The following SOX6 variants were observed in gnomAD, a reference collection of about 807,000 sequenced individuals.
The protein encoded by SOX6 is SRY-box transcription factor 6, also known as transcription factor SOX-6.
SOX6 carries 11 observed loss-of-function variants against 97.8 expected under a neutral mutation model. The ratio of observed to expected loss-of-function variants is 0.11; its 90% CI spans 0.07 to 0.19. The LOEUF (loss-of-function observed/expected upper bound fraction) is 0.19. Among genes scored for constraint, SOX6 ranks in the 10% least tolerant of loss-of-function variants. The pLI is 1.00. For missense variants in SOX6, 810 were observed against 1,039.5 expected (o/e 0.78, Z 3.04); for synonymous variants, 360 against 371.4 (o/e 0.97, Z 0.35).
At chr11:16,713,544 A>C (rs1478379213) in intron 3 of SOX6, among the ~76,000 whole-genome samples, 1 of 152,204 alleles carries the variant, frequency 6.6e-6, no homozygotes, top group African/African-American at 2.4e-5. Context: ...GTTCCTAAAA[A>C]TTTAAGTTTT....
intron 6 of SOX6, among the ~76,000 whole-genome samples, chr11:16,158,023 A>T (rs1850647299): frequency 6.6e-6 from 1 of 151,964 alleles, no homozygotes. Flanking sequence ...CATTTACTAG[A>T]CTGTGAGCTT....
Position 15,971,547 on chromosome 11 carries a change from G to T in SOX6, c.*1262C>A, listed in dbSNP as rs1590097695. 1 of 152,662 alleles carries T rather than the reference G, an allele frequency of 6.6e-6. No individual in the cohort carries two copies. 9.5% of individuals were successfully genotyped at this position (152,662 alleles called of 1,614,324 possible). On this transcript the variant is annotated 3_prime_UTR_variant, in exon 16 of 16. Transcript: ENST00000683767. ...GAATTAGGGGAAAATTCTGGCAAAA[G>T]ACTTGAGGTCACAGTGAACCTCAGG... is the stretch of plus-strand genomic sequence containing the variant.
intron 3 of SOX6, among the ~76,000 whole-genome samples, chr11:16,689,555 G>A (rs1289246828): frequency 6.6e-6 from 1 of 152,066 alleles, no homozygotes. Context: ...GTCCATCTTG[G>A]CTAAAAGCAA....
At chr11:16,661,564 T>C (rs1847766213) in intron 3 of SOX6, among the ~76,000 whole-genome samples, 1 of 152,186 alleles carries the variant, frequency 6.6e-6, no homozygotes, top group Admixed American at 6.5e-5. Context: ...CTTTTCTTTT[T>C]TGAGACAAGG....
intron 10 of SOX6, among the ~76,000 whole-genome samples, chr11:16,050,686 G>A (rs944100797): frequency 2.6e-5 from 4 of 152,068 alleles, no homozygotes; most frequent in African/African-American, 9.7e-5. Flanking sequence ...TCTTCACTGA[G>A]ACAGTATTCA....
chr11:16,141,138 T>G (rs1278147456), intron 6 of SOX6, among the ~76,000 whole-genome samples: 1 of 151,946 alleles, frequency 6.6e-6, no homozygotes, highest in East Asian at 1.9e-4. Flanking sequence ...CTCTTCATGC[T>G]CATGCTCAGT....
intron 6 of SOX6, among the ~76,000 whole-genome samples, chr11:16,171,210 A>T (rs963863620): frequency 3.3e-5 from 5 of 152,004 alleles, no homozygotes; most frequent in African/African-American, 1.2e-4. Flanking sequence ...AGAAGCTGGT[A>T]GCACAAGAAA....
intron 7 of SOX6, among the ~76,000 whole-genome samples, chr11:16,104,927 C>T (rs75186964): frequency 0.037 from 5,559 of 151,982 alleles, 129 homozygotes; most frequent in Middle Eastern, 0.15. Flanking sequence ...AAAGCTCTGG[C>T]CTAGATGGCT....
At chr11:16,071,553 A>C (rs1848225584) in intron 9 of SOX6, among the ~76,000 whole-genome samples, 1 of 152,004 alleles carries the variant, frequency 6.6e-6, no homozygotes, top group South Asian at 2.1e-4. Context: ...AAACACCCTG[A>C]TAGCAGGGCA....
At chr11:16,586,312 G>A (rs578191737) in intron 4 of SOX6, among the ~76,000 whole-genome samples, 1 of 152,184 alleles carries the variant, frequency 6.6e-6, no homozygotes, top group African/African-American at 2.4e-5. Flanking sequence ...GGTAATAAGA[G>A]GTGGGGAGAA....
chr11:16,167,125 C>T (rs1243931487), intron 6 of SOX6, among the ~76,000 whole-genome samples: 1 of 152,198 alleles, frequency 6.6e-6, no homozygotes, highest in Non-Finnish European at 1.5e-5. Flanking sequence ...TAGTTCAACA[C>T]TAAACTTTTG....
intron 4 of SOX6, among the ~76,000 whole-genome samples, chr11:16,493,202 C>T (rs79448555): frequency 4.6e-5 from 7 of 152,074 alleles, no homozygotes; most frequent in Non-Finnish European, 5.9e-5. Flanking sequence ...CTGTCAACAG[C>T]GGAATGGGCA....
intron 1 of SOX6, among the ~76,000 whole-genome samples, chr11:16,447,729 A>G (rs550031182): frequency 6.6e-6 from 1 of 152,276 alleles, no homozygotes; most frequent in Non-Finnish European, 1.5e-5. Context: ...CAAAACAGGG[A>G]AAAAAATTTG....
intron 1 of SOX6, among the ~76,000 whole-genome samples, chr11:16,425,420 T>G (rs896659127): frequency 1.3e-5 from 2 of 152,156 alleles, no homozygotes; most frequent in African/African-American, 4.8e-5. Context: ...CAAGGATGCC[T>G]TCTCTTACCA....
At chr11:16,592,888 T>A (rs1448176023) in intron 4 of SOX6, among the ~76,000 whole-genome samples, 1 of 151,968 alleles carries the variant, frequency 6.6e-6, no homozygotes, top group South Asian at 2.1e-4. Flanking sequence ...GCAAATAATA[T>A]ACCAAGGAAC....
chr11:15,973,061 A>T lies in SOX6; in HGVS notation c.2235T>A (p.Gly745=). 1 of 1,614,182 alleles carries T rather than the reference A, an allele frequency of 6.2e-7. No homozygotes were observed. The change falls in exon 16 of 16, where the codon GGT becomes GGA. Residue 745 remains glycine (G), a synonymous_variant. Coordinates refer to ENST00000683767, the MANE Select transcript of SOX6 (RefSeq NM_001367873.1). ...GTGTGGTAGTTGCCATAGTGATAGCACCAGGATACACAACACCTGTTCCTG... is the reference window on the plus strand; with the variant it reads ...GTGTGGTAGTTGCCATAGTGATAGCTCCAGGATACACAACACCTGTTCCTG... ...ITTGTGVVYP[G]AITMATTTPS... is the part of the protein sequence containing the mutation.
intron 12 of SOX6, among the ~76,000 whole-genome samples, chr11:16,034,971 C>G (rs1855479756): frequency 6.6e-6 from 1 of 152,100 alleles, no homozygotes. Context: ...ACAAACAGAC[C>G]TATGGAAAAA....
At chr11:16,387,485 C>T (rs1235940748) in intron 1 of SOX6, among the ~76,000 whole-genome samples, 1 of 151,794 alleles carries the variant, frequency 6.6e-6, no homozygotes, top group African/African-American at 2.4e-5. Context: ...AGCTGAAGAA[C>T]CAGATAGTGG....
chr11:16,211,929 G>A (rs1353043536), intron 4 of SOX6, among the ~76,000 whole-genome samples: 1 of 152,134 alleles, frequency 6.6e-6, no homozygotes, highest in Non-Finnish European at 1.5e-5. Flanking sequence ...TGCCGTTACT[G>A]AGATGAGAAA....
Sources: gnomAD v4.1 joint callset for allele counts (sites outside exome capture counted in the v4.1 genomes callset) on GRCh38, gnomAD v4.1.1 for gene constraint, MANE v1.5 for transcripts, NCBI Gene and HGNC (gene_info 2026-07-23, HGNC 2026-07-21) for gene names.